The following GRID2 variants were observed in gnomAD, a reference collection of about 807,000 sequenced individuals.
The protein encoded by GRID2 is glutamate ionotropic receptor delta type subunit 2, also known as glutamate receptor ionotropic, delta-2.
Under a neutral mutation model 114.8 loss-of-function variants are expected in GRID2, and 33 were observed. The observed-to-expected ratio is 0.29, with a 90% confidence interval of 0.22 to 0.38. GRID2 has a LOEUF of 0.38. Among genes scored for constraint, GRID2 ranks in the 10% least tolerant of loss-of-function variants. The pLI is 1.00. For synonymous variants in GRID2, 505 were observed against 449.9 expected (o/e 1.12, Z -1.55); for missense variants, 1,184 against 1,257.7 (o/e 0.94, Z 0.89).
chr4:92,621,259 GAAAGATGA>G, intron 2 of GRID2, among the ~76,000 whole-genome samples: 1 of 151,784 alleles, frequency 6.6e-6, no homozygotes. Flanking sequence ...TTTAGAAAAG[GAAAGATGA>G]AGTGATGGTT....
intron 1 of GRID2, among the ~76,000 whole-genome samples, chr4:92,479,257 A>G (rs1722466879): frequency 6.6e-6 from 1 of 152,144 alleles, no homozygotes; most frequent in Admixed American, 6.6e-5. Flanking sequence ...GTTTTTTAAA[A>G]GTTGTTAAGA....
At chr4:93,727,285 C>T (rs958158343) in intron 14 of GRID2, among the ~76,000 whole-genome samples, 7 of 152,064 alleles carry the variant, frequency 4.6e-5, no homozygotes, top group Non-Finnish European at 1.0e-4. Flanking sequence ...TGCTGGATTA[C>T]ATTTATTGAT....
intron 1 of GRID2, among the ~76,000 whole-genome samples, chr4:92,576,064 C>A (rs1727877081): frequency 6.6e-6 from 1 of 152,218 alleles, no homozygotes; most frequent in Non-Finnish European, 1.5e-5. Flanking sequence ...GCTGAGTTGT[C>A]TAAACAACCA....
intron 1 of GRID2, among the ~76,000 whole-genome samples, chr4:92,527,566 T>G (rs1414691175): frequency 2.0e-5 from 3 of 152,100 alleles, no homozygotes; most frequent in Non-Finnish European, 4.4e-5. Flanking sequence ...GCTGAAGCAT[T>G]AAATGAATAT....
chr4:92,618,605 A>G (rs1730119996), intron 2 of GRID2, among the ~76,000 whole-genome samples: 1 of 151,676 alleles, frequency 6.6e-6, no homozygotes, highest in Non-Finnish European at 1.5e-5. Flanking sequence ...TGGTCATTTT[A>G]GCAATATTAA....
chr4:93,501,075 G>A (rs1254397712), intron 12 of GRID2, among the ~76,000 whole-genome samples: 1 of 151,926 alleles, frequency 6.6e-6, no homozygotes, highest in Admixed American at 6.6e-5. Flanking sequence ...TGAGTACTTA[G>A]TGGGTTACAA....
At chr4:93,133,094 T>C (rs1734949955) in intron 4 of GRID2, among the ~76,000 whole-genome samples, 1 of 152,314 alleles carries the variant, frequency 6.6e-6, no homozygotes, top group South Asian at 2.1e-4. Context: ...AATTATACCA[T>C]CAACTATTCC....
At chr4:93,335,871 G>A (rs1048906181) in intron 8 of GRID2, among the ~76,000 whole-genome samples, 2 of 151,808 alleles carry the variant, frequency 1.3e-5, no homozygotes, top group African/African-American at 4.8e-5. Context: ...TAGTTTTTTT[G>A]TAGAGACAGG....
At chr4:93,533,148 C>G (rs749926026) in intron 13 of GRID2, among the ~76,000 whole-genome samples, 1 of 151,990 alleles carries the variant, frequency 6.6e-6, no homozygotes, top group African/African-American at 2.4e-5. Flanking sequence ...TTCTTTTTCA[C>G]TTGATAGCAA....
intron 2 of GRID2, among the ~76,000 whole-genome samples, chr4:92,960,778 A>G (rs909929433): frequency 1.3e-5 from 2 of 151,752 alleles, no homozygotes; most frequent in Non-Finnish European, 2.9e-5. Context: ...ATTTATGACT[A>G]TCTTCTATTT....
At chr4:92,748,430 A>ATGAGAT (rs565391932) in intron 2 of GRID2, among the ~76,000 whole-genome samples, 474 of 152,136 alleles carry the variant, frequency 3.1e-3, no homozygotes, top group Non-Finnish European at 5.8e-3. Context: ...CTGAAAAACT[A>ATGAGAT]CATGATGATC....
chr4:92,460,091 TCTGA>T (rs1250330011), intron 1 of GRID2, among the ~76,000 whole-genome samples: 3 of 133,768 alleles, frequency 2.2e-5, no homozygotes, highest in Admixed American at 8.0e-5. Flanking sequence ...TCTGGAGAAC[TCTGA>T]CTAATATATG....
chr4:93,668,532 T>C lies in GRID2; in HGVS notation c.2360+42097T>C, dbSNP rs367748577. 2.6e-4 allele frequency among the ~76,000 whole-genome samples: 39 copies of C among 152,198 alleles called. 1 individual carries two copies. Among genetic ancestry groups the C allele is most frequent in the African/African-American group, 8.9e-4 (37 of 41,566 alleles). On this transcript the variant is annotated intron_variant, in intron 14 of 15. Transcript: ENST00000282020. Reference sequence around the variant, plus strand: ...ATGTGTTAGTCACATTGTATATGTGTATATGCTAGGGATTCAGAGATAAAT... The same window carrying C: ...ATGTGTTAGTCACATTGTATATGTGCATATGCTAGGGATTCAGAGATAAAT...
At chr4:92,551,611 G>T (rs941669753) in intron 1 of GRID2, among the ~76,000 whole-genome samples, 4 of 152,072 alleles carry the variant, frequency 2.6e-5, no homozygotes, top group Non-Finnish European at 5.9e-5. Flanking sequence ...TTTATTAAGT[G>T]CATTCAATGT....
intron 8 of GRID2, among the ~76,000 whole-genome samples, chr4:93,311,587 G>A (rs1359062084): frequency 1.3e-5 from 2 of 152,212 alleles, no homozygotes; most frequent in Non-Finnish European, 2.9e-5. Context: ...GGCTGTACTG[G>A]TTACTGGGAG....
At chr4:92,493,329 A>G (rs971933885) in intron 1 of GRID2, among the ~76,000 whole-genome samples, 6 of 152,150 alleles carry the variant, frequency 3.9e-5, no homozygotes, top group Non-Finnish European at 5.9e-5. Flanking sequence ...AAATATTCTT[A>G]TTTAACTTTC....
intron 1 of GRID2, among the ~76,000 whole-genome samples, chr4:92,492,507 T>G (rs1265541674): frequency 6.6e-6 from 1 of 152,214 alleles, no homozygotes. Context: ...TTGGTTAGCA[T>G]CCACATATTC....
intron 1 of GRID2, among the ~76,000 whole-genome samples, chr4:92,541,449 G>A (rs1211634327): frequency 6.6e-6 from 1 of 151,410 alleles, no homozygotes; most frequent in Non-Finnish European, 1.5e-5. Context: ...TTCATGGAAT[G>A]TGAAAAAACC....
At chr4:93,198,260 C>T (rs949190184) in intron 4 of GRID2, among the ~76,000 whole-genome samples, 2 of 152,254 alleles carry the variant, frequency 1.3e-5, no homozygotes, top group African/African-American at 2.4e-5. Context: ...ATAAGTGACT[C>T]TGTGTGTGTT....
Sources: allele counts gnomAD v4.1 joint callset (sites outside exome capture counted in the v4.1 genomes callset), GRCh38; gene constraint gnomAD v4.1.1; transcripts MANE v1.5; gene names NCBI Gene and HGNC (gene_info 2026-07-23, HGNC 2026-07-21).